Variants in DLC1 observed in about 807,000 individuals in gnomAD.
DLC1 encodes DLC1 Rho GTPase activating protein.
A neutral mutation model predicts 140.3 loss-of-function variants in DLC1; 54 were observed. The observed-to-expected ratio is 0.38, with a 90% confidence interval of 0.31 to 0.48. The LOEUF (loss-of-function observed/expected upper bound fraction) is 0.48. DLC1 is among the 20% of genes least tolerant of loss of function. The probability of loss-of-function intolerance (pLI) is 0.96; values close to 1 mark genes in which losing one functional copy is unlikely to be tolerated. For synonymous variants in DLC1, 986 were observed against 728.1 expected, an observed-to-expected ratio of 1.35 and a Z score of -5.70; for missense variants, 2,536 against 1,907.0, an observed-to-expected ratio of 1.33 and a Z score of -6.14.
chr8:13,322,066 T>C (rs542097481), intron 4 of DLC1, among the ~76,000 whole-genome samples: 6 of 152,316 alleles, frequency 3.9e-5, no homozygotes, highest in Admixed American at 2.0e-4. Context: ...TTCAAATGCA[T>C]TATTTACATT....
At chr8:13,388,836 G>C (rs943462781) in intron 4 of DLC1, among the ~76,000 whole-genome samples, 1 of 152,000 alleles carries the variant, frequency 6.6e-6, no homozygotes, top group Non-Finnish European at 1.5e-5. Context: ...TTAAAAGCCT[G>C]TAACCTACAC....
At chr8:13,380,570 T>C (rs543834849) in intron 4 of DLC1, among the ~76,000 whole-genome samples, 1 of 152,322 alleles carries the variant, frequency 6.6e-6, no homozygotes, top group East Asian at 1.9e-4. Context: ...AAATATAGTA[T>C]TAATGAATGA....
intron 3 of DLC1, among the ~76,000 whole-genome samples, 155 bp downstream of exon 3, chr8:13,401,315 G>C (rs939302546): frequency 6.6e-6 from 1 of 152,166 alleles, no homozygotes; most frequent in Non-Finnish European, 1.5e-5. Flanking sequence ...ATGTATGCAT[G>C]ATGCATAGAA....
At position 13,595,020 on chromosome 8, in the gene DLC1, G is replaced by A. The variant is rs186236693; in HGVS notation, c.-126+9517C>T. On this transcript the variant is annotated intron_variant, in intron 1 of 1. Coordinates refer to the DLC1 transcript ENST00000631382. ...GTATAGACTTCTTCAATTGTTGTGA[G>A]AAAAAAAAAAGTGGACTAGCCTGGA... Among the ~76,000 whole-genome samples the A allele has an allele frequency of 7.9e-3, 1,156 of 146,058 alleles. 13 individuals carry two copies. Among genetic ancestry groups the A allele is most frequent in the African/African-American group, 0.027 (1,089 of 40,042 alleles).
chr8:13,425,689 A>C (rs1838542593), intron 2 of DLC1, among the ~76,000 whole-genome samples: 1 of 152,106 alleles, frequency 6.6e-6, no homozygotes, highest in Non-Finnish European at 1.5e-5. Context: ...TCACATTATC[A>C]TGGTCAAACT....
chr8:13,172,266 C>T (rs1007237428), intron 5 of DLC1, among the ~76,000 whole-genome samples: 1 of 152,114 alleles, frequency 6.6e-6, no homozygotes, highest in African/African-American at 2.4e-5. Context: ...CTAATGGAGA[C>T]CCCTGATAGG....
rs1836334473 is a variant in DLC1, at chr8:13,382,758, C to G, written c.1314+10795G>C. Among the ~76,000 whole-genome samples, 2 of 152,110 alleles carry G rather than the reference C, an allele frequency of 1.3e-5. 1 individual carries two copies. Among genetic ancestry groups the G allele is most frequent in the South Asian group, 4.1e-4 (2 of 4,830 alleles). ...ATACCTGAGATGATACTTCAGAGAACTATTCAGGCAGTTCTAAGTCCTCTA... is the reference window on the plus strand; with the variant it reads ...ATACCTGAGATGATACTTCAGAGAAGTATTCAGGCAGTTCTAAGTCCTCTA... On this transcript the variant is annotated intron_variant, in intron 4 of 17. Transcript: ENST00000276297.
At chr8:13,119,103 C>A (rs940208757) in intron 5 of DLC1, among the ~76,000 whole-genome samples, 1 of 151,806 alleles carries the variant, frequency 6.6e-6, no homozygotes, top group Non-Finnish European at 1.5e-5. Context: ...GTGGCACATG[C>A]CTGTTGTCTC....
At chr8:13,453,460 G>GTA (rs1257878047) in intron 2 of DLC1, among the ~76,000 whole-genome samples, 991 of 23,110 alleles carry the variant, frequency 0.043, 51 homozygotes, top group Non-Finnish European at 0.058. Context: ...ATATATATAT[G>GTA]TATATATATA....
At chr8:13,543,972 G>A (rs1183057415) in intron 1 of DLC1, among the ~76,000 whole-genome samples, 1 of 151,432 alleles carries the variant, frequency 6.6e-6, no homozygotes, top group Non-Finnish European at 1.5e-5. Context: ...CCAACAACCA[G>A]TTGTACCCCA....
At chr8:13,388,895 C>T (rs1473909491) in intron 4 of DLC1, among the ~76,000 whole-genome samples, 1 of 151,960 alleles carries the variant, frequency 6.6e-6, no homozygotes, top group Non-Finnish European at 1.5e-5. Flanking sequence ...TAAAACTCTT[C>T]TTGTGCATTG....
At chr8:13,553,782 A>T (rs1803947352) in intron 1 of DLC1, among the ~76,000 whole-genome samples, 1 of 152,108 alleles carries the variant, frequency 6.6e-6, no homozygotes. Flanking sequence ...ACACCTTCAA[A>T]ACGATTCTTG....
Position 13,421,930 on chromosome 8 carries a change from A to G in DLC1, c.1024-20311T>C, listed in dbSNP as rs553231457. Among the ~76,000 whole-genome samples, 3 of 152,238 alleles carry G rather than the reference A, an allele frequency of 2.0e-5. No homozygotes were observed. The East Asian group carries it at 5.8e-4, about 29-fold the overall frequency. ...CTCCATATGAACTATGTACCCATGA[A>G]AGGGACCCATATGTTTCTATGGTTT... On this transcript the variant is annotated intron_variant, in intron 2 of 17. Coordinates refer to ENST00000276297, the MANE Select transcript of DLC1 (RefSeq NM_182643.3).
chr8:13,281,463 C>G (rs1446766506), intron 5 of DLC1, among the ~76,000 whole-genome samples: 2 of 152,206 alleles, frequency 1.3e-5, no homozygotes, highest in Non-Finnish European at 2.9e-5. Flanking sequence ...ATCTTGGAAT[C>G]TATATCTGTA....
chr8:13,342,939 G>T (rs1450126196), intron 4 of DLC1, among the ~76,000 whole-genome samples: 1 of 151,956 alleles, frequency 6.6e-6, no homozygotes, highest in East Asian at 1.9e-4. Context: ...CGAATTAGCT[G>T]CAGTTGTTTG....
At chr8:13,382,145 A>G (rs1836291140) in intron 4 of DLC1, among the ~76,000 whole-genome samples, 1 of 152,170 alleles carries the variant, frequency 6.6e-6, no homozygotes, top group Non-Finnish European at 1.5e-5. Context: ...TAAAGAATAT[A>G]ATGATCTAGA....
At chr8:13,134,307 C>G (rs1366037990) in intron 5 of DLC1, among the ~76,000 whole-genome samples, 2 of 152,176 alleles carry the variant, frequency 1.3e-5, no homozygotes, top group African/African-American at 4.8e-5. Context: ...GAACTAAACT[C>G]ATTCATTCAA....
At chr8:13,228,188 G>A (rs1020084397) in intron 5 of DLC1, among the ~76,000 whole-genome samples, 3 of 152,004 alleles carry the variant, frequency 2.0e-5, no homozygotes, top group Non-Finnish European at 2.9e-5. Flanking sequence ...TTCTTATTAG[G>A]GGATTTTTTG....
intron 1 of DLC1, among the ~76,000 whole-genome samples, chr8:13,527,535 G>A (rs1344212932): frequency 2.0e-5 from 3 of 152,062 alleles, no homozygotes; most frequent in African/African-American, 7.2e-5. Context: ...ATAACTGTCT[G>A]TTGTTTTATT....
Sources: allele counts gnomAD v4.1 joint callset (sites outside exome capture counted in the v4.1 genomes callset), GRCh38; gene constraint gnomAD v4.1.1; transcripts MANE v1.5; gene names NCBI Gene and HGNC (gene_info 2026-07-23, HGNC 2026-07-21).